Variants in CDC14B observed in about 807,000 individuals in gnomAD.
CDC14B encodes the protein cell division cycle 14B, also known as dual specificity protein phosphatase CDC14B.
CDC14B carries 22 observed loss-of-function variants against 64.2 expected under a neutral mutation model. The ratio of observed to expected loss-of-function variants is 0.34; its 90% CI spans 0.24 to 0.49. The LOEUF (loss-of-function observed/expected upper bound fraction) is 0.49, where lower values mean the gene tolerates loss of function less well. Ranked by LOEUF, CDC14B falls within the 20% of genes least tolerant of loss-of-function variation. CDC14B has a pLI of 0.99. For synonymous variants in CDC14B, 191 were observed against 215.8 expected (o/e 0.89, Z 1.01); for missense variants, 498 against 629.9 (o/e 0.79, Z 2.24).
At chr9:96,596,264 AGACAGGAGAATTGCTT>A (rs1846065567) in intron 1 of CDC14B, among the ~76,000 whole-genome samples, 1 of 151,590 alleles carries the variant, frequency 6.6e-6, no homozygotes, top group Non-Finnish European at 1.5e-5. Context: ...CAGGAGGCTG[AGACAGGAGAATTGCTT>A]GAACCCGGGA....
At chr9:96,571,725 G>A (rs1844487481) in intron 1 of CDC14B, among the ~76,000 whole-genome samples, 1 of 151,950 alleles carries the variant, frequency 6.6e-6, no homozygotes, top group African/African-American at 2.4e-5. Context: ...TTATATGCTG[G>A]GCGCTGTGGA....
At chr9:96,601,211 C>G (rs112586319) in intron 1 of CDC14B, among the ~76,000 whole-genome samples, 2,208 of 152,020 alleles carry the variant, frequency 0.015, 60 homozygotes, top group African/African-American at 0.05. Context: ...AAAAACCTAA[C>G]TGTGGGGCCA....
rs1489790948 is a variant in CDC14B, at chr9:96,503,181, A to G, written c.*572T>C. On this transcript the variant is annotated 3_prime_UTR_variant, in exon 14 of 14. Transcript: ENST00000375241. Reference sequence around the variant, plus strand: ...ATGTGATTTTCACAGATTCTTGTTAATAAAGCACTCTTTGGTGGAAGACAA... The same window carrying G: ...ATGTGATTTTCACAGATTCTTGTTAGTAAAGCACTCTTTGGTGGAAGACAA... The G allele has an allele frequency of 3.3e-6, 1 of 306,818 alleles. No individual in the cohort carries two copies. The highest frequency in any genetic ancestry group is 5.9e-6 in the Non-Finnish European group (1 of 168,990). 19.0% of individuals were successfully genotyped at this position (306,818 alleles called of 1,614,324 possible).
At chr9:96,609,557 A>G (rs1847179236) in intron 1 of CDC14B, among the ~76,000 whole-genome samples, 1 of 152,244 alleles carries the variant, frequency 6.6e-6, no homozygotes, top group African/African-American at 2.4e-5. Flanking sequence ...TTAATTCCAT[A>G]GCACCATTCA....
At chr9:96,600,331 T>G (rs1846352399) in intron 1 of CDC14B, among the ~76,000 whole-genome samples, 2 of 151,668 alleles carry the variant, frequency 1.3e-5, no homozygotes, top group Admixed American at 1.3e-4. Context: ...ATAGCAGGGG[T>G]AAGAAGAACT....
At chr9:96,494,326 G>A (rs1833162261) in intron 13 of CDC14B, among the ~76,000 whole-genome samples, 1 of 152,262 alleles carries the variant, frequency 6.6e-6, no homozygotes, top group South Asian at 2.1e-4. Flanking sequence ...GAGACATGGA[G>A]TGTTTGCCTC....
intron 1 of CDC14B, among the ~76,000 whole-genome samples, chr9:96,572,248 C>T (rs938055675): frequency 3.9e-5 from 6 of 152,160 alleles, no homozygotes; most frequent in Non-Finnish European, 7.3e-5. Flanking sequence ...TGAGTTTCCC[C>T]GATTCCTCCA....
chr9:96,617,562 A>T (rs1300411939), intron 1 of CDC14B, among the ~76,000 whole-genome samples: 1 of 152,182 alleles, frequency 6.6e-6, no homozygotes, highest in Non-Finnish European at 1.5e-5. Context: ...TCATTCTAAT[A>T]AGAAACACTA....
intron 1 of CDC14B, among the ~76,000 whole-genome samples, chr9:96,569,887 C>T (rs991845013): frequency 5.3e-5 from 8 of 151,552 alleles, no homozygotes; most frequent in African/African-American, 1.5e-4. Context: ...CGCGCCTGGC[C>T]GAAACAGGGC....
rs77527123 is a variant in CDC14B at position 96,523,801 on chromosome 9, T to C, written c.947-76A>G. ...GATTTTGTTGGGCAGGCAGAATTTTTTTAAAAGGCTTCTCATGACTCTGCT... is the reference window on the plus strand; with the variant it reads ...GATTTTGTTGGGCAGGCAGAATTTTCTTAAAAGGCTTCTCATGACTCTGCT... On this transcript the variant is annotated intron_variant, in intron 9 of 13. Coordinates refer to ENST00000375241, the MANE Select transcript of CDC14B (RefSeq NM_033331.4). The C allele has an allele frequency of 7.9e-5, 115 of 1,451,210 alleles. No homozygotes were observed. In the East Asian group the frequency reaches 2.4e-3, roughly 30 times the overall value. 89.9% of individuals were successfully genotyped at this position (1,451,210 alleles called of 1,614,324 possible). A position where few individuals can be genotyped will look rare whatever the true frequency, so the allele number is the denominator to read the frequency against.
Position 96,503,298 on chromosome 9 carries a change from A to C in CDC14B, c.*455T>G, listed in dbSNP as rs1410405806. The C allele has an allele frequency of 5.0e-6, 1 of 200,990 alleles. No individual in the cohort carries two copies. The highest frequency in any genetic ancestry group is 9.9e-6 in the Non-Finnish European group (1 of 101,316). The allele number at this position is 200,990 out of a possible 1,614,324, so 12.5% of individuals were successfully genotyped here. A position where few individuals can be genotyped will look rare whatever the true frequency, so the allele number is the denominator to read the frequency against. On this transcript the variant is annotated 3_prime_UTR_variant, in exon 14 of 14. Transcript: ENST00000375241. ...AGCCAAATAGTATCAAATTACAGAA[A>C]GTACCATTTCAGTAATGCCTTTTGT...
intron 5 of CDC14B, among the ~76,000 whole-genome samples, chr9:96,547,992 A>T (rs986870470): frequency 1.3e-5 from 2 of 151,968 alleles, no homozygotes; most frequent in African/African-American, 2.4e-5. Flanking sequence ...CGCCTGGCTA[A>T]TTTTTTGTAT....
intron 12 of CDC14B, among the ~76,000 whole-genome samples, chr9:96,512,451 T>C (rs1191510339): frequency 1.3e-5 from 2 of 151,720 alleles, no homozygotes; most frequent in East Asian, 1.9e-4. Flanking sequence ...TCCAGAGTAG[T>C]TGGGACCACA....
chr9:96,535,261 T>C (rs1839119668), intron 7 of CDC14B, among the ~76,000 whole-genome samples: 1 of 152,058 alleles, frequency 6.6e-6, no homozygotes, highest in Admixed American at 6.6e-5. Flanking sequence ...GAGCCGAGAT[T>C]GTGCCATTGC....
At chr9:96,611,624 A>G (rs567929485) in intron 1 of CDC14B, among the ~76,000 whole-genome samples, 3 of 152,344 alleles carry the variant, frequency 2.0e-5, no homozygotes, top group Admixed American at 1.3e-4. Flanking sequence ...GGTAATAAAA[A>G]ATAGATTTAA....
downstream of CDC14B, among the ~76,000 whole-genome samples, chr9:96,495,480 C>A (rs1833205846): frequency 1.4e-5 from 2 of 147,438 alleles, no homozygotes; most frequent in Non-Finnish European, 3.0e-5. Flanking sequence ...CGATGAACAA[C>A]CTGCACAACT....
At chr9:96,619,160 A>T in intron 1 of CDC14B, 59 bp downstream of exon 1, 1 of 1,205,128 alleles carries the variant, frequency 8.3e-7, no homozygotes, top group Non-Finnish European at 1.0e-6. Flanking sequence ...GAGGTGGGCC[A>T]GGGCCCCGCG....
intron 12 of CDC14B, among the ~76,000 whole-genome samples, chr9:96,517,285 T>C (rs908995307): frequency 6.6e-6 from 1 of 150,710 alleles, no homozygotes; most frequent in Non-Finnish European, 1.5e-5. Flanking sequence ...GAGGTTGCAG[T>C]GAGCCGAGAT....
At chr9:96,496,853 C>T (rs1833269369), downstream of CDC14B, among the ~76,000 whole-genome samples, 1 of 152,218 alleles carries the variant, frequency 6.6e-6, no homozygotes, top group Non-Finnish European at 1.5e-5. Flanking sequence ...CTGCCCAGGA[C>T]AAGCGGCATT....
Sources: gnomAD v4.1 joint callset for allele counts (sites outside exome capture counted in the v4.1 genomes callset) on GRCh38, gnomAD v4.1.1 for gene constraint, MANE v1.5 for transcripts, NCBI Gene and HGNC (gene_info 2026-07-23, HGNC 2026-07-21) for gene names.